The following MAST4 variants were observed in gnomAD, a reference collection of about 807,000 sequenced individuals.
MAST4 encodes the protein microtubule associated serine/threonine kinase family member 4.
MAST4 carries 89 observed loss-of-function variants against 162.7 expected under a neutral mutation model. The observed-to-expected ratio is 0.55, with a 90% confidence interval of 0.46 to 0.65. MAST4 has a LOEUF of 0.65. Ranked by LOEUF, MAST4 falls within the 30% of genes least tolerant of loss-of-function variation. MAST4 has a pLI of 0.00. For synonymous variants in MAST4, 1,479 were observed against 1,361.1 expected, an observed-to-expected ratio of 1.09 and a Z score of -1.91; for missense variants, 3,153 against 3,374.0, an observed-to-expected ratio of 0.93 and a Z score of 1.62.
In MAST4 at chr5:66,918,274, C is replaced by T. The variant is rs190611318; in HGVS notation, c.674+18292C>T. On this transcript the variant is annotated intron_variant, in intron 4 of 28. Coordinates refer to ENST00000403625, the MANE Select transcript of MAST4 (RefSeq NM_001164664.2). ...TTATGTACCAAATTATGAAGTATAC[C>T]CATATCTGGATTGGTTGAGAGATTT... Among the ~76,000 whole-genome samples, 1,219 of 152,018 alleles carry T rather than the reference C, an allele frequency of 8.0e-3. 9 individuals are homozygous for T. Among genetic ancestry groups the T allele is most frequent in the Non-Finnish European group, 0.013 (855 of 67,956 alleles).
chr5:66,930,703 A>G, intron 4 of MAST4: 1 of 470,680 alleles, frequency 2.1e-6, no homozygotes, highest in Admixed American at 2.3e-5. Flanking sequence ...AGGAAAGTAA[A>G]GAGCTGCCTT....
intron 1 of MAST4, among the ~76,000 whole-genome samples, chr5:66,755,083 G>A (rs1580374113): frequency 6.6e-6 from 1 of 152,136 alleles, no homozygotes; most frequent in East Asian, 1.9e-4. Context: ...TCACTGCTGT[G>A]GTTCTGAGAG....
chr5:67,100,724 T>C, intron 8 of MAST4, 132 bp downstream of exon 8: 3 of 1,094,794 alleles, frequency 2.7e-6, no homozygotes, highest in Non-Finnish European at 3.9e-6. Flanking sequence ...TAGTGTGATG[T>C]TTCCATGTAC....
At chr5:66,709,647 A>G (rs78643521) in intron 1 of MAST4, among the ~76,000 whole-genome samples, 2,473 of 152,264 alleles carry the variant, frequency 0.016, 70 homozygotes, top group African/African-American at 0.056. Flanking sequence ...CCAAATTGGC[A>G]TTCTGGCTCT....
intron 3 of MAST4, among the ~76,000 whole-genome samples, chr5:66,837,043 T>TGTGTGTGTGTGTGTGTGTGTGC: frequency 6.6e-6 from 1 of 151,850 alleles, no homozygotes; most frequent in Non-Finnish European, 1.5e-5. Flanking sequence ...TGTGTGTGTG[T>TGTGTGTGTGTGTGTGTGTGTGC]GTGTGTGTGT....
In MAST4 at chr5:67,145,167, C is replaced by G. The variant is rs772420241; in HGVS notation, c.2882C>G (p.Ser961Cys). ...AGGCAACAGCTATCAACATCCAACT[C>G]TTCAGATACTGAAAGCAACAGACAT... ...SEMQQLSTSN[S>C]SDTESNRHKL... The change falls in exon 23 of 29, where the codon TCT (serine) becomes TGT (cysteine). Residue 961 changes from serine to cysteine, a missense_variant. By Grantham distance (112) the Ser-to-Cys change is moderately radical (BLOSUM62 -1). Transcript: ENST00000403625. 17 of 1,611,450 alleles carry G rather than the reference C, an allele frequency of 1.1e-5. No homozygotes were observed. The highest frequency in any genetic ancestry group is 1.4e-5 in the Non-Finnish European group (17 of 1,178,714).
chr5:67,021,462 A>C (rs953700146), intron 4 of MAST4, among the ~76,000 whole-genome samples: 1 of 152,206 alleles, frequency 6.6e-6, no homozygotes, highest in African/African-American at 2.4e-5. Flanking sequence ...TACGCTAAAA[A>C]AAAATCATTA....
At chr5:66,870,032 G>T (rs1171125257) in intron 3 of MAST4, among the ~76,000 whole-genome samples, 1 of 152,130 alleles carries the variant, frequency 6.6e-6, no homozygotes, top group Non-Finnish European at 1.5e-5. Flanking sequence ...TACCTTGGGT[G>T]GTGTGTTTGT....
At chr5:67,028,114 CCTT>C (rs948180111) in intron 4 of MAST4, among the ~76,000 whole-genome samples, 1 of 151,828 alleles carries the variant, frequency 6.6e-6, no homozygotes, top group Non-Finnish European at 1.5e-5. Context: ...CTGTCTTACT[CCTT>C]CTTAGCCATG....
chr5:66,854,891 T>C (rs1332017686), intron 3 of MAST4, among the ~76,000 whole-genome samples: 1 of 152,086 alleles, frequency 6.6e-6, no homozygotes, highest in African/African-American at 2.4e-5. Context: ...CTCAGTGCTC[T>C]GGTATATTTT....
intron 4 of MAST4, among the ~76,000 whole-genome samples, chr5:67,000,755 A>ATGG: frequency 9.6e-6 from 1 of 104,386 alleles, no homozygotes; most frequent in Non-Finnish European, 2.3e-5. Context: ...TCTAAAAAAA[A>ATGG]AGGGGGGGGG....
chr5:66,914,268 T>C (rs921178511), intron 4 of MAST4, among the ~76,000 whole-genome samples: 1 of 152,108 alleles, frequency 6.6e-6, no homozygotes, highest in Non-Finnish European at 1.5e-5. Flanking sequence ...AAGAGGACAA[T>C]GTGTAAGCTG....
At chr5:66,917,118 C>T (rs1764165155) in intron 4 of MAST4, 1 of 694,516 alleles carries the variant, frequency 1.4e-6, no homozygotes, top group South Asian at 1.6e-5. Context: ...CTCACCAGCA[C>T]TGGATGTCAC....
chr5:66,684,277 G>A (rs1355591694), intron 1 of MAST4, among the ~76,000 whole-genome samples: 1 of 152,284 alleles, frequency 6.6e-6, no homozygotes, highest in Non-Finnish European at 1.5e-5. Flanking sequence ...CTTAAAGGCT[G>A]ACAATGAAAT....
chr5:66,809,333 T>G (rs1431577364), intron 3 of MAST4, among the ~76,000 whole-genome samples: 1 of 152,228 alleles, frequency 6.6e-6, no homozygotes. Context: ...TAGAGGAGCC[T>G]TAATGGTCAC....
chr5:67,164,027 C>A lies in MAST4; in HGVS notation c.4848C>A (p.Ser1616Arg). ...ACAAGCAGGCCAGCGTGCGCGCCAG[C>A]GAGGGTGCGATGTCGGATGGCCGGG... ...ALHKQASVRA[S>R]EGAMSDGRVP... Residue 1616 changes from serine (S) to arginine (R), a missense_variant, in exon 29 of 29, where the codon AGC (serine) becomes AGA (arginine). Around this residue, in one of 7 missense-constraint regions of MAST4, gnomAD observed 1,644 missense variants for 1,495.0 expected, o/e 1.10. Coordinates refer to ENST00000403625, the MANE Select transcript of MAST4 (RefSeq NM_001164664.2). This position sits in a 1 kb window ranked among gnomAD's most constrained non-coding sequence, Gnocchi z 5.3. 1 of 1,585,112 alleles carries A rather than the reference C, an allele frequency of 6.3e-7. No individual in the cohort carries two copies. Among genetic ancestry groups the A allele is most frequent in the Non-Finnish European group, 8.6e-7 (1 of 1,165,450 alleles).
At chr5:66,861,576 G>C (rs1354598733) in intron 3 of MAST4, among the ~76,000 whole-genome samples, 1 of 152,234 alleles carries the variant, frequency 6.6e-6, no homozygotes, top group Non-Finnish European at 1.5e-5. Context: ...GAGCCCCACA[G>C]GGCAAAGCCT....
At chr5:66,603,297 G>A (rs1238511062) in intron 1 of MAST4, among the ~76,000 whole-genome samples, 1 of 152,116 alleles carries the variant, frequency 6.6e-6, no homozygotes, top group Non-Finnish European at 1.5e-5. Flanking sequence ...TTTCTCTTTT[G>A]CTCATGGAAC....
intron 3 of MAST4, among the ~76,000 whole-genome samples, chr5:66,843,270 CTT>C (rs530875446): frequency 1.2e-3 from 181 of 152,304 alleles, no homozygotes; most frequent in African/African-American, 4.2e-3. Context: ...ACAGAATACT[CTT>C]TTCCGTGCTG....
Sources: gnomAD v4.1 joint callset for allele counts (sites outside exome capture counted in the v4.1 genomes callset) on GRCh38, gnomAD v4.1.1 for gene constraint, gnomAD v4.1.1 regional missense constraint, Gnocchi (gnomAD v3.1) non-coding constraint, MANE v1.5 for transcripts, NCBI Gene and HGNC (gene_info 2026-07-23, HGNC 2026-07-21) for gene names.